The following B3GAT2 variants were observed in gnomAD, a reference collection of about 807,000 sequenced individuals.
B3GAT2 encodes galactosylgalactosylxylosylprotein 3-beta-glucuronosyltransferase 2.
In B3GAT2, 26 loss-of-function variants were observed where a neutral mutation model predicts 27.8. The ratio of observed to expected loss-of-function variants is 0.93; its 90% CI spans 0.68 to 1.30. The LOEUF (loss-of-function observed/expected upper bound fraction) is 1.30. Among genes scored for constraint, B3GAT2 ranks in the 50% most tolerant of loss-of-function variants. The probability of loss-of-function intolerance (pLI) is 0.00; values close to 1 mark genes in which losing one functional copy is unlikely to be tolerated. For missense variants in B3GAT2, 458 were observed against 459.0 expected, an observed-to-expected ratio of 1.00 and a Z score of 0.02; for synonymous variants, 218 against 195.1, an observed-to-expected ratio of 1.12 and a Z score of -0.98.
chr6:70,860,642 T>C lies in B3GAT2; in HGVS notation c.*1021A>G, dbSNP rs1771678209. ...CTCAATAAAATTATAGCTCTAATGT[T>C]TGCATATAAGGGAAGTAGTTATCAT... On this transcript the variant is annotated 3_prime_UTR_variant, in exon 4 of 4. Transcript: ENST00000230053. 4.7e-6 allele frequency: 2 copies of C among 424,566 alleles called. No homozygotes were observed. The highest frequency in any genetic ancestry group is 6.9e-5 in the East Asian group (2 of 29,170). 26.3% of individuals were successfully genotyped at this position (424,566 alleles called of 1,614,324 possible).
intron 1 of B3GAT2, among the ~76,000 whole-genome samples, chr6:70,937,990 A>G (rs1237252941): frequency 2.0e-5 from 3 of 151,452 alleles, no homozygotes; most frequent in African/African-American, 7.3e-5. Context: ...ACATGATTGT[A>G]TATCTACAAA....
chr6:70,923,027 T>C (rs961635922), intron 1 of B3GAT2, among the ~76,000 whole-genome samples: 5 of 152,140 alleles, frequency 3.3e-5, no homozygotes, highest in African/African-American at 1.2e-4. Context: ...GTTTTGAATA[T>C]TAAATGAGTT....
At chr6:70,955,646 C>G (rs554413887) in intron 1 of B3GAT2, among the ~76,000 whole-genome samples, 193 bp downstream of exon 1, 1 of 152,336 alleles carries the variant, frequency 6.6e-6, no homozygotes, top group South Asian at 2.1e-4. Flanking sequence ...ACACACAGCC[C>G]CTCCACCCCC....
At chr6:70,929,359 T>G (rs1773021304) in intron 1 of B3GAT2, among the ~76,000 whole-genome samples, 1 of 151,660 alleles carries the variant, frequency 6.6e-6, no homozygotes, top group Non-Finnish European at 1.5e-5. Flanking sequence ...AAATATATAT[T>G]TAAAAAAAGA....
chr6:70,881,888 G>A (rs1423379272), intron 2 of B3GAT2, among the ~76,000 whole-genome samples: 1 of 152,118 alleles, frequency 6.6e-6, no homozygotes, highest in African/African-American at 2.4e-5. Context: ...ATTTCTCCCA[G>A]AAGCTTCATT....
chr6:70,870,581 A>G (rs1026828245), intron 2 of B3GAT2, among the ~76,000 whole-genome samples: 10 of 152,130 alleles, frequency 6.6e-5, no homozygotes, highest in Non-Finnish European at 1.2e-4. Flanking sequence ...TTCCTTTTCA[A>G]CAGAGATGTC....
chr6:70,941,449 C>T (rs1330186008), intron 1 of B3GAT2, among the ~76,000 whole-genome samples: 2 of 152,090 alleles, frequency 1.3e-5, no homozygotes, highest in Non-Finnish European at 2.9e-5. Context: ...CCTATGTGAG[C>T]TCCCCACCAG....
intron 1 of B3GAT2, among the ~76,000 whole-genome samples, chr6:70,920,156 C>G (rs760222351): frequency 4.6e-5 from 7 of 152,182 alleles, no homozygotes; most frequent in Admixed American, 1.3e-4. Flanking sequence ...CCACCAAGCT[C>G]CAGCATCCCA....
chr6:70,878,666 T>G (rs1433030761), intron 2 of B3GAT2, among the ~76,000 whole-genome samples: 1 of 152,132 alleles, frequency 6.6e-6, no homozygotes, highest in Non-Finnish European at 1.5e-5. Flanking sequence ...CATACTTTTT[T>G]TTTTTTGCTT....
intron 1 of B3GAT2, among the ~76,000 whole-genome samples, chr6:70,900,131 T>C (rs995082173): frequency 2.0e-5 from 3 of 152,218 alleles, no homozygotes; most frequent in Non-Finnish European, 2.9e-5. Context: ...TATTCTGTGG[T>C]TTATTCCTCC....
chr6:70,949,919 T>C (rs527349586), intron 1 of B3GAT2, among the ~76,000 whole-genome samples: 10 of 152,004 alleles, frequency 6.6e-5, no homozygotes, highest in East Asian at 3.9e-4. Flanking sequence ...ATGGATGAAA[T>C]TGGAAATCAT....
intron 1 of B3GAT2, among the ~76,000 whole-genome samples, chr6:70,908,163 T>C (rs1244133496): frequency 6.6e-6 from 1 of 152,122 alleles, no homozygotes; most frequent in Non-Finnish European, 1.5e-5. Flanking sequence ...TTTACGTAAA[T>C]AAACCTAAGG....
intron 1 of B3GAT2, among the ~76,000 whole-genome samples, chr6:70,916,835 T>G (rs905391666): frequency 1.3e-5 from 2 of 152,172 alleles, no homozygotes; most frequent in African/African-American, 4.8e-5. Context: ...TCGATGTTCA[T>G]CAGGGATGTT....
At chr6:70,907,011 ACAAACTTTAC>A (rs1245074103) in intron 1 of B3GAT2, among the ~76,000 whole-genome samples, 10 of 152,320 alleles carry the variant, frequency 6.6e-5, no homozygotes, top group Admixed American at 3.9e-4. Flanking sequence ...GATGAAAACC[ACAAACTTTAC>A]CATGAAACCT....
intron 1 of B3GAT2, among the ~76,000 whole-genome samples, chr6:70,919,720 A>G (rs889002898): frequency 1.3e-5 from 2 of 152,114 alleles, no homozygotes; most frequent in Admixed American, 1.3e-4. Flanking sequence ...GGTATCACCA[A>G]TGGAGGCTGC....
In B3GAT2 at chr6:70,859,638, C is replaced by CTT. The variant is rs939834931; in HGVS notation, c.*2023_*2024dup. 11 of 324,836 alleles carry CTT rather than the reference C, an allele frequency of 3.4e-5. No individual in the cohort carries two copies. Among genetic ancestry groups the CTT allele is most frequent in the Middle Eastern group, 1.7e-3 (2 of 1,160 alleles). 20.1% of individuals were successfully genotyped at this position (324,836 alleles called of 1,614,324 possible). A position where few individuals can be genotyped will look rare whatever the true frequency, so the allele number is the denominator to read the frequency against. On this transcript the variant is annotated 3_prime_UTR_variant, in exon 4 of 4. Coordinates refer to ENST00000230053, the MANE Select transcript of B3GAT2 (RefSeq NM_080742.3). ...GTAAGAGAATCACAGGGTTAAGATG[C>CTT]TTATATATATATATATTTGACTCCA...
chr6:70,927,933 GAAGT>G (rs1772991343), intron 1 of B3GAT2, among the ~76,000 whole-genome samples: 1 of 152,120 alleles, frequency 6.6e-6, no homozygotes, highest in African/African-American at 2.4e-5. Flanking sequence ...CACTTAGTTG[GAAGT>G]AAGGCACTCC....
chr6:70,897,295 T>C (rs2150033007), intron 1 of B3GAT2, among the ~76,000 whole-genome samples: 1 of 152,388 alleles, frequency 6.6e-6, no homozygotes, highest in South Asian at 2.1e-4. Flanking sequence ...ACAAATCTTT[T>C]ATATGATGTA....
intron 1 of B3GAT2, among the ~76,000 whole-genome samples, chr6:70,949,212 A>C (rs1460473071): frequency 6.6e-6 from 1 of 151,796 alleles, no homozygotes; most frequent in Non-Finnish European, 1.5e-5. Context: ...AATGGGATCT[A>C]ATTAAACTAA....
Sources: allele counts gnomAD v4.1 joint callset (sites outside exome capture counted in the v4.1 genomes callset), GRCh38; gene constraint gnomAD v4.1.1; transcripts MANE v1.5; gene names NCBI Gene and HGNC (gene_info 2026-07-23, HGNC 2026-07-21).